Variants in FAR1 observed in about 807,000 individuals in gnomAD.
FAR1 encodes male sterility domain-containing protein 2.
A neutral mutation model predicts 61.1 loss-of-function variants in FAR1; 22 were observed. That is an observed-to-expected ratio of 0.36 (90% CI 0.26 to 0.51). FAR1 has a LOEUF of 0.51. Ranked by LOEUF, FAR1 falls within the 20% of genes least tolerant of loss-of-function variation. FAR1 has a pLI of 0.95. For missense variants in FAR1, 359 were observed against 626.9 expected, an observed-to-expected ratio of 0.57 and a Z score of 4.56; for synonymous variants, 206 against 209.7, an observed-to-expected ratio of 0.98 and a Z score of 0.15.
At chr11:13,669,866 T>C (rs544313389) in intron 1 of FAR1, among the ~76,000 whole-genome samples, 2 of 134,826 alleles carry the variant, frequency 1.5e-5, no homozygotes, top group South Asian at 2.5e-4. Flanking sequence ...CAGTCAGGAA[T>C]CCCTTAATTC....
chr11:13,717,849 C>T (rs1848571837), intron 9 of FAR1, among the ~76,000 whole-genome samples: 1 of 152,108 alleles, frequency 6.6e-6, no homozygotes, highest in African/African-American at 2.4e-5. Flanking sequence ...GGTATATAGG[C>T]TCTGGTTTGC....
Position 13,700,360 on chromosome 11 carries a change from A to G in FAR1, c.233A>G (p.Lys78Arg), listed in dbSNP as rs759397446. 6 of 1,596,458 alleles carry G rather than the reference A, an allele frequency of 3.8e-6. No individual in the cohort carries two copies. The African/African-American group carries it at 6.8e-5, about 18-fold the overall frequency. The change falls in exon 3 of 12, where the codon AAA becomes AGA. Residue 78 changes from lysine to arginine, a missense_variant. Lys to Arg is a conservative substitution (Grantham distance 26). Transcript: ENST00000354817. ...GATGAAAATCCAGATTTTAGAGAGA[A>G]AATTATAGCAATCAACAGCGAACTC... is the stretch of plus-strand genomic sequence containing the variant. ...LRDENPDFRE[K>R]IIAINSELTQ...
At chr11:13,692,011 TA>T (rs1419658540) in intron 1 of FAR1, among the ~76,000 whole-genome samples, 2 of 151,928 alleles carry the variant, frequency 1.3e-5, no homozygotes, top group African/African-American at 4.8e-5. Flanking sequence ...CTACTAAAAA[TA>T]CAAAAATTAG....
intron 3 of FAR1, among the ~76,000 whole-genome samples, chr11:13,704,032 G>A (rs1192019607): frequency 3.3e-5 from 4 of 122,976 alleles, no homozygotes; most frequent in African/African-American, 6.4e-5. Flanking sequence ...CGACAAGAGC[G>A]AAACTCCGTC....
chr11:13,684,257 TAAAG>T (rs1848161887), intron 1 of FAR1, among the ~76,000 whole-genome samples: 1 of 152,072 alleles, frequency 6.6e-6, no homozygotes, highest in Non-Finnish European at 1.5e-5. Flanking sequence ...TTCCATCTAA[TAAAG>T]AAATGGAATG....
At chr11:13,684,414 G>C (rs16913001) in intron 1 of FAR1, among the ~76,000 whole-genome samples, 1,873 of 152,298 alleles carry the variant, frequency 0.012, 38 homozygotes, top group African/African-American at 0.042. Flanking sequence ...GAAGTAAAGG[G>C]AAGATGCATA....
Position 13,677,525 on chromosome 11 carries a change from A to G in FAR1, c.-8+8719A>G, listed in dbSNP as rs566468069. ...GTTTTTTCCCCACTCAAAACTAGACACTGGAAGGATCATTGACATCCAGGT... is the reference window on the plus strand; with the variant it reads ...GTTTTTTCCCCACTCAAAACTAGACGCTGGAAGGATCATTGACATCCAGGT... On this transcript the variant is annotated intron_variant, in intron 1 of 11. Transcript: ENST00000354817. 5.9e-5 allele frequency among the ~76,000 whole-genome samples: 9 copies of G among 152,362 alleles called. No homozygotes were observed. In the East Asian group the frequency reaches 1.2e-3, roughly 20 times the overall value.
chr11:13,704,036 C>G lies in FAR1; in HGVS notation c.365+3544C>G, dbSNP rs1032475575. Reference sequence around the variant, plus strand: ...TCCAGCCTGGGCGACAAGAGCGAAACTCCGTCTCAAAAAAAAAAAAAAAAA... The same window carrying G: ...TCCAGCCTGGGCGACAAGAGCGAAAGTCCGTCTCAAAAAAAAAAAAAAAAA... On this transcript the variant is annotated intron_variant, in intron 3 of 11. Transcript: ENST00000354817. Among the ~76,000 whole-genome samples, 10 of 129,002 alleles carry G rather than the reference C, an allele frequency of 7.8e-5. 1 individual carries two copies. The highest frequency in any genetic ancestry group is 1.5e-4 in the Non-Finnish European group (9 of 61,932). 84.6% of individuals were successfully genotyped at this position (129,002 alleles called of 152,430 possible). A position where few individuals can be genotyped will look rare whatever the true frequency, so the allele number is the denominator to read the frequency against.
chr11:13,691,524 C>G (rs898871001), intron 1 of FAR1, among the ~76,000 whole-genome samples: 2 of 152,184 alleles, frequency 1.3e-5, no homozygotes, highest in Non-Finnish European at 2.9e-5. Context: ...TCTCTATACT[C>G]AACTATTCCC....
At chr11:13,723,234 A>T (rs1265913993) in intron 10 of FAR1, 1 of 279,376 alleles carries the variant, frequency 3.6e-6, no homozygotes, top group Non-Finnish European at 7.0e-6. Context: ...GCATGGTGAC[A>T]TGTGCCTGTA....
At chr11:13,683,043 C>T (rs1848145814) in intron 1 of FAR1, among the ~76,000 whole-genome samples, 1 of 152,102 alleles carries the variant, frequency 6.6e-6, no homozygotes, top group South Asian at 2.1e-4. Flanking sequence ...TTTCAGTACT[C>T]CTACCATATG....
intron 10 of FAR1, among the ~76,000 whole-genome samples, chr11:13,725,775 A>G (rs1244472390): frequency 6.6e-6 from 1 of 152,160 alleles, no homozygotes; most frequent in African/African-American, 2.4e-5. Context: ...AGTTGTAAGC[A>G]GCATATAGCT....
intron 1 of FAR1, among the ~76,000 whole-genome samples, chr11:13,670,928 A>G (rs911424796): frequency 2.0e-5 from 3 of 152,134 alleles, no homozygotes; most frequent in Non-Finnish European, 1.5e-5. Context: ...ATAGGACAAA[A>G]GGTTTGTGAA....
At chr11:13,715,391 CATT>C (rs1373924904) in intron 9 of FAR1, among the ~76,000 whole-genome samples, 1 of 152,106 alleles carries the variant, frequency 6.6e-6, no homozygotes, top group Non-Finnish European at 1.5e-5. Flanking sequence ...TCATGGTTGT[CATT>C]GTTATTATAA....
intron 2 of FAR1, among the ~76,000 whole-genome samples, chr11:13,695,513 T>G (rs944621572): frequency 2.0e-5 from 3 of 152,200 alleles, no homozygotes; most frequent in African/African-American, 7.2e-5. Context: ...TTCACGATCA[T>G]AAGTTTGTGA....
chr11:13,721,942 C>A lies in FAR1; in HGVS notation c.1257+83C>A. ...TATTAGCAACCTGAGAAATATTTTCCACAGCTATTATGCAACAAGTAAGCC... is the reference window on the plus strand; with the variant it reads ...TATTAGCAACCTGAGAAATATTTTCAACAGCTATTATGCAACAAGTAAGCC... On this transcript the variant is annotated intron_variant, in intron 10 of 11. Coordinates refer to ENST00000354817, the MANE Select transcript of FAR1 (RefSeq NM_032228.6). The surrounding 1 kb of genome is among the most constrained non-coding windows in gnomAD (Gnocchi z 4.2). 1 of 1,165,242 alleles carries A rather than the reference C, an allele frequency of 8.6e-7. No individual in the cohort carries two copies. Among genetic ancestry groups the A allele is most frequent in the South Asian group, 1.6e-5 (1 of 62,834 alleles). The allele number at this position is 1,165,242 out of a possible 1,614,324, so 72.2% of individuals were successfully genotyped here.
intron 3 of FAR1, among the ~76,000 whole-genome samples, chr11:13,701,168 A>G (rs909148369): frequency 6.6e-6 from 1 of 152,108 alleles, no homozygotes; most frequent in African/African-American, 2.4e-5. Context: ...ATCTAATTGT[A>G]TAGTCTCATG....
intron 8 of FAR1, 98 bp downstream of exon 8, chr11:13,713,131 A>G (rs568630318): frequency 9.2e-6 from 9 of 980,318 alleles, no homozygotes; most frequent in Non-Finnish European, 1.3e-5. Context: ...CATTAAGGCC[A>G]CTGAGTTACC....
intron 1 of FAR1, among the ~76,000 whole-genome samples, chr11:13,684,846 A>G (rs912140910): frequency 4.6e-5 from 7 of 152,206 alleles, no homozygotes; most frequent in African/African-American, 1.7e-4. Context: ...TACAGTATAT[A>G]TTTTCAAACT....
Sources: gnomAD v4.1 joint callset for allele counts (sites outside exome capture counted in the v4.1 genomes callset) on GRCh38, gnomAD v4.1.1 for gene constraint, Gnocchi (gnomAD v3.1) non-coding constraint, MANE v1.5 for transcripts, NCBI Gene and HGNC (gene_info 2026-07-23, HGNC 2026-07-21) for gene names.